Variants in TENM4 observed in about 807,000 individuals in gnomAD.
The protein encoded by TENM4 is teneurin-4.
In TENM4, 82 loss-of-function variants were observed where a neutral mutation model predicts 243.3. That is an observed-to-expected ratio of 0.34 (90% confidence interval 0.28 to 0.40). TENM4 has a LOEUF of 0.40. Among genes scored for constraint, TENM4 ranks in the 10% least tolerant of loss-of-function variants. The pLI is 1.00. For synonymous variants in TENM4, 1,412 were observed against 1,456.3 expected (o/e 0.97, Z 0.69); for missense variants, 3,138 against 3,673.3 (o/e 0.85, Z 3.77).
chr11:79,128,470 G>A (rs1240016239), intron 4 of TENM4, among the ~76,000 whole-genome samples: 1 of 152,218 alleles, frequency 6.6e-6, no homozygotes, highest in Non-Finnish European at 1.5e-5. Context: ...AGTTACATGA[G>A]GAAGTGGCTC....
At chr11:78,979,016 C>A (rs920816231) in intron 6 of TENM4, among the ~76,000 whole-genome samples, 1 of 152,078 alleles carries the variant, frequency 6.6e-6, no homozygotes, top group African/African-American at 2.4e-5. Flanking sequence ...GGGGAAATGA[C>A]AGAAGAGAAA....
chr11:79,328,596 T>G (rs514829), intron 1 of TENM4, among the ~76,000 whole-genome samples: 1 of 151,350 alleles, frequency 6.6e-6, no homozygotes, highest in South Asian at 2.1e-4. Flanking sequence ...GTGGCGGTGG[T>G]GGTGGCGGTG....
chr11:79,379,042 G>C (rs17829269), intron 1 of TENM4, among the ~76,000 whole-genome samples: 10,812 of 152,280 alleles, frequency 0.071, 510 homozygotes, highest in Middle Eastern at 0.12. Flanking sequence ...GTGCTTGTAG[G>C]GGTAAGAAAA....
chr11:79,410,192 C>G (rs1472065688), intron 1 of TENM4, among the ~76,000 whole-genome samples: 1 of 152,176 alleles, frequency 6.6e-6, no homozygotes, highest in African/African-American at 2.4e-5. Flanking sequence ...TCCCATTTCA[C>G]TTCCTTACTT....
At chr11:78,879,730 C>T (rs190563960) in intron 9 of TENM4, among the ~76,000 whole-genome samples, 16 of 141,898 alleles carry the variant, frequency 1.1e-4, no homozygotes, top group African/African-American at 3.6e-4. Flanking sequence ...TCTGCACGGC[C>T]GCCACCCTGT....
chr11:79,305,080 A>G (rs182264906), intron 1 of TENM4, among the ~76,000 whole-genome samples: 6 of 152,312 alleles, frequency 3.9e-5, no homozygotes, highest in Admixed American at 3.9e-4. Flanking sequence ...CTTTCATTTA[A>G]CAAGCAATGT....
chr11:78,755,852 A>C (rs1015003792), intron 19 of TENM4, among the ~76,000 whole-genome samples: 5 of 152,190 alleles, frequency 3.3e-5, no homozygotes, highest in Non-Finnish European at 5.9e-5. Context: ...CCTCTGGCAC[A>C]GAAAAATGAA....
chr11:78,686,187 C>G lies in TENM4; in HGVS notation c.5260+1867G>C, dbSNP rs369992482. 3.3e-4 allele frequency among the ~76,000 whole-genome samples: 50 copies of G among 152,262 alleles called. 1 individual carries two copies. Among genetic ancestry groups the G allele is most frequent in the Middle Eastern group, 6.8e-3 (2 of 294 alleles). Reference sequence around the variant, plus strand: ...GGCCTTGCTGGGTCCGATCACATTTCTACATGGTTGTCAATCATGCCTATC... The same window carrying G: ...GGCCTTGCTGGGTCCGATCACATTTGTACATGGTTGTCAATCATGCCTATC... On this transcript the variant is annotated intron_variant, in intron 29 of 33. Transcript: ENST00000278550.
intron 29 of TENM4, among the ~76,000 whole-genome samples, chr11:78,684,075 C>T (rs1398107770): frequency 6.6e-6 from 1 of 152,190 alleles, no homozygotes; most frequent in East Asian, 1.9e-4. Flanking sequence ...TCCTGTACAC[C>T]CCTCAGCCTT....
chr11:79,213,217 T>C (rs899249629), intron 3 of TENM4, among the ~76,000 whole-genome samples: 2 of 152,102 alleles, frequency 1.3e-5, no homozygotes, highest in African/African-American at 4.8e-5. Context: ...ATGGCTTGAA[T>C]AGTAGCATGT....
rs145574843 is a variant in TENM4 at position 78,759,751 on chromosome 11, T to C, written c.2540-2730A>G. Among the ~76,000 whole-genome samples, 1,295 of 152,322 alleles carry C rather than the reference T, an allele frequency of 8.5e-3. 22 individuals carry two copies. The highest frequency in any genetic ancestry group is 0.028 in the African/African-American group (1,168 of 41,558). The stretch of plus-strand genomic sequence containing the variant: ...TAAATATATTACAAGGAATGCATCA[T>C]TGAATCCTCTATGAAGTAGCCACTG... On this transcript the variant is annotated intron_variant, in intron 18 of 33. Coordinates refer to ENST00000278550, the MANE Select transcript of TENM4 (RefSeq NM_001098816.3).
At chr11:78,699,031 T>C (rs17137025) in intron 28 of TENM4, among the ~76,000 whole-genome samples, 10,204 of 152,238 alleles carry the variant, frequency 0.067, 842 homozygotes, top group African/African-American at 0.2. Context: ...TTTTGTCTAC[T>C]CTTTTGATTA....
intron 2 of TENM4, among the ~76,000 whole-genome samples, chr11:79,285,991 A>G (rs1169288812): frequency 6.6e-6 from 1 of 152,164 alleles, no homozygotes; most frequent in Non-Finnish European, 1.5e-5. Context: ...AATAGACTAA[A>G]AAAATACTGA....
In TENM4 at chr11:79,224,809, G is replaced by A. The variant is rs766348824; in HGVS notation, c.-264-8900C>T. Among the ~76,000 whole-genome samples the A allele has an allele frequency of 4.6e-5, 7 of 152,202 alleles. No individual in the cohort carries two copies. In the South Asian group the frequency reaches 6.2e-4, roughly 14 times the overall value. On this transcript the variant is annotated intron_variant, in intron 2 of 33. Transcript: ENST00000278550. ...CTACTGAAAATATAAAAATTAGTCC[G>A]GCATGGTGGCGCATGCCTGTAATCT...
chr11:78,953,245 T>C lies in TENM4; in HGVS notation c.494-49722A>G, dbSNP rs151277568. Among the ~76,000 whole-genome samples, 590 of 152,308 alleles carry C rather than the reference T, an allele frequency of 3.9e-3. 2 individuals are homozygous for C. The highest frequency in any genetic ancestry group is 5.4e-3 in the Non-Finnish European group (368 of 68,020). ...TCTCTGAGACTACATGCTATGTTTGTTTAGCTGGTGCCTTGGGCTTACTGT... is the reference window on the plus strand; with the variant it reads ...TCTCTGAGACTACATGCTATGTTTGCTTAGCTGGTGCCTTGGGCTTACTGT... On this transcript the variant is annotated intron_variant, in intron 6 of 33. Transcript: ENST00000278550.
chr11:79,289,252 G>T (rs1856314014), intron 2 of TENM4, among the ~76,000 whole-genome samples: 1 of 152,234 alleles, frequency 6.6e-6, no homozygotes, highest in Non-Finnish European at 1.5e-5. Context: ...GTAAAGAGTT[G>T]TTTCAACAGT....
intron 6 of TENM4, among the ~76,000 whole-genome samples, chr11:78,967,571 G>C (rs1047784829): frequency 6.6e-6 from 1 of 152,164 alleles, no homozygotes; most frequent in Admixed American, 6.5e-5. Context: ...GCTCAGCTCG[G>C]GCAGGATGGT....
intron 6 of TENM4, among the ~76,000 whole-genome samples, chr11:78,953,366 C>A (rs1217757314): frequency 6.6e-6 from 1 of 152,132 alleles, no homozygotes; most frequent in East Asian, 1.9e-4. Flanking sequence ...CTCTTCCAAG[C>A]CAGGAGGGGT....
intron 4 of TENM4, among the ~76,000 whole-genome samples, chr11:79,147,066 A>T (rs551793690): frequency 2.0e-4 from 31 of 152,224 alleles, no homozygotes; most frequent in Non-Finnish European, 3.7e-4. Flanking sequence ...TTCACTCAGA[A>T]ATCAGTGGGG....
Sources: allele counts gnomAD v4.1 joint callset (sites outside exome capture counted in the v4.1 genomes callset), GRCh38; gene constraint gnomAD v4.1.1; transcripts MANE v1.5; gene names NCBI Gene and HGNC (gene_info 2026-07-23, HGNC 2026-07-21).